The following DUOX2 variants were observed in gnomAD, a reference collection of about 807,000 sequenced individuals.
DUOX2 encodes the protein NADH/NADPH thyroid oxidase p138-tox.
DUOX2 carries 185 observed loss-of-function variants against 183.3 expected under a neutral mutation model. That is an observed-to-expected ratio of 1.01 (90% CI 0.90 to 1.14). The LOEUF is 1.14. DUOX2 is among the 50% of genes most tolerant of loss of function. The pLI, the probability that DUOX2 is intolerant of heterozygous loss-of-function variation, is 0.00. For synonymous variants in DUOX2, 788 were observed against 812.4 expected (o/e 0.97, Z 0.51); for missense variants, 1,999 against 2,022.9 (o/e 0.99, Z 0.23).
In DUOX2 at chr15:45,099,686, C is replaced by T. The variant is rs147540920; in HGVS notation, c.3391G>A (p.Ala1131Thr). The change falls in exon 25 of 34, where the codon GCC becomes ACC. Residue 1131 changes from alanine (A) to threonine (T), a missense_variant. This residue lies in a region of DUOX2 where 1,628 missense variants were observed against 1,608.6 expected (regional missense o/e 1.01). Transcript: ENST00000389039. ...DAAVDFHRWI[A>T]MAAVVLAILH... ...CTGGCCAGGACAACAGCAGCCATGG[C>T]GATCCAGCGGTGGAAGTCCACTGCG... The T allele has an allele frequency of 2.5e-4, 398 of 1,613,964 alleles. No homozygotes were observed. Among genetic ancestry groups the T allele is most frequent in the Non-Finnish European group, 3.2e-4 (374 of 1,180,046 alleles).
At chr15:45,096,857 T>C (rs1893915984) in intron 29 of DUOX2, among the ~76,000 whole-genome samples, 1 of 152,188 alleles carries the variant, frequency 6.6e-6, no homozygotes, top group Non-Finnish European at 1.5e-5. Flanking sequence ...CAACCCAGAC[T>C]GGCAATCTGG....
intron 18 of DUOX2, among the ~76,000 whole-genome samples, chr15:45,105,354 G>A (rs921411144): frequency 1.3e-5 from 2 of 152,178 alleles, no homozygotes; most frequent in African/African-American, 4.8e-5. Flanking sequence ...CAACCTCTGT[G>A]TACCACTCAT....
intron 11 of DUOX2, chr15:45,109,240 A>G (rs776468559): frequency 6.0e-5 from 36 of 600,344 alleles, no homozygotes; most frequent in Non-Finnish European, 1.1e-4. Context: ...GACAGGGCTG[A>G]ATGAAAACCT....
intron 26 of DUOX2, 145 bp from the exon 27 acceptor site, chr15:45,098,203 A>T (rs1331787873): frequency 1.4e-6 from 1 of 735,544 alleles, no homozygotes; most frequent in Non-Finnish European, 2.3e-6. Flanking sequence ...CCTCCAAGGA[A>T]CTTGGCACCC....
Position 45,111,923 on chromosome 15 carries a change from C to T in DUOX2, c.358G>A (p.Glu120Lys), listed in dbSNP as rs765873661. The T allele has an allele frequency of 1.5e-5, 24 of 1,613,590 alleles. No individual in the cohort carries two copies. In the South Asian group the frequency reaches 2.6e-4, roughly 18 times the overall value. ...YHVLSDVVSV[E>K]TPGCPAEFLN... Reference sequence around the variant, plus strand: ...AACTCGGCGGGGCAACCGGGCGTTTCCACGCTCACCACGTCGGAAAGAACA... The same window carrying T: ...AACTCGGCGGGGCAACCGGGCGTTTTCACGCTCACCACGTCGGAAAGAACA... The change falls in exon 5 of 34, where the codon GAA becomes AAA. Residue 120 changes from glutamate to lysine, a missense_variant. Physicochemically the swap from Glu to Lys is moderately conservative, Grantham distance 56. Transcript: ENST00000389039.
intron 28 of DUOX2, 54 bp downstream of exon 28, chr15:45,097,560 C>T: frequency 6.2e-7 from 1 of 1,613,976 alleles, no homozygotes; most frequent in Non-Finnish European, 8.5e-7. Context: ...CTTTCACCTT[C>T]CTGTCCCATC....
intron 16 of DUOX2, 22 bp from the exon 17 acceptor site, chr15:45,106,349 C>G (rs374647525): frequency 6.2e-7 from 1 of 1,613,250 alleles, no homozygotes; most frequent in Non-Finnish European, 8.5e-7. Context: ...ATAATTGGGC[C>G]GGGTAGTTCA....
chr15:45,097,856 C>G, intron 27 of DUOX2, 115 bp from the exon 28 acceptor site: 2 of 1,582,322 alleles, frequency 1.3e-6, no homozygotes, highest in Non-Finnish European at 8.7e-7. Flanking sequence ...TCCGGGGCCC[C>G]CAGAAAAGCC....
At chr15:45,099,106 G>A (rs1034104722) in intron 26 of DUOX2, 1 of 379,730 alleles carries the variant, frequency 2.6e-6, no homozygotes, top group South Asian at 2.2e-5. Context: ...CGCCTCTTGG[G>A]TTCATGCCAT....
In DUOX2 at chr15:45,111,503, G is replaced by C. The variant is rs751456977; in HGVS notation, c.596C>G (p.Ser199Trp). 3.2e-6 allele frequency: 5 copies of C among 1,552,050 alleles called. No homozygotes were observed. Among genetic ancestry groups the C allele is most frequent in the East Asian group, 2.4e-5 (1 of 41,324 alleles). ...GGGCCCCGACGCCAGCTGTCCCCCC[G>C]AGAAGCTCCGCAGCGCGTCGCTCCA... ...HSWSDALRSF[S>W]GGQLASGPDP... is the part of the protein sequence containing the mutation. Residue 199 changes from serine to tryptophan, a missense_variant, in exon 6 of 34, where the codon TCG becomes TGG. Physicochemically the swap from Ser to Trp is radical, Grantham distance 177 (BLOSUM62 -3). This residue lies in a region of DUOX2 where 356 missense variants were observed against 356.4 expected (regional missense o/e 1.00). Transcript: ENST00000389039.
chr15:45,109,308 A>T (rs1894314573), intron 11 of DUOX2: 1 of 609,708 alleles, frequency 1.6e-6, no homozygotes, highest in African/African-American at 1.9e-5. Flanking sequence ...CAATACTCAG[A>T]CATAGTTAAT....
rs147791097 is a variant in DUOX2 at position 45,094,269 on chromosome 15, G to A, written c.4528C>T (p.Arg1510Cys). ...NSLQEVHPQV[R>C]KIGVFSCGPP... ...CCGCAGCTGAACACCCCGATCTTGC[G>A]CACCTGTCAGGAGATTGGAGAGAGA... is the stretch of plus-strand genomic sequence containing the variant. Residue 1510 changes from arginine (R) to cysteine (C), a missense_variant, in exon 34 of 34, where the codon CGC becomes TGC. Coordinates refer to ENST00000389039, the MANE Select transcript of DUOX2 (RefSeq NM_001363711.2). 3.3e-5 allele frequency: 53 copies of A among 1,614,128 alleles called. 1 individual carries two copies. The South Asian group carries it at 4.5e-4, about 14-fold the overall frequency.
rs144254445 is a variant in DUOX2 at position 45,098,043 on chromosome 15, C to A, written c.3531G>T (p.Gln1177His). 5.9e-5 allele frequency: 95 copies of A among 1,614,120 alleles called. No individual in the cohort carries two copies. In the African/African-American group the frequency reaches 1.2e-3, roughly 20 times the overall value. The change falls in exon 27 of 34, where the codon CAG (glutamine) becomes CAT (histidine). Residue 1177 changes from glutamine (Q) to histidine (H), a missense_variant. By Grantham distance (24) the Gln-to-His change is conservative. Transcript: ENST00000389039. The part of the protein sequence containing the change: ...VFVNDGSKLP[Q>H]KFYWWFFQTV... ...TCTGGAAGAACCACCAATAGAACTTCTGGGGAAGCTTGGACCTGGGGGGCA... is the reference window on the plus strand; with the variant it reads ...TCTGGAAGAACCACCAATAGAACTTATGGGGAAGCTTGGACCTGGGGGGCA...
At position 45,100,669 on chromosome 15, in the gene DUOX2, T is replaced by C. The variant is rs1351066475; in HGVS notation, c.3005+86A>G. On this transcript the variant is annotated intron_variant, in intron 23 of 33. Transcript: ENST00000389039. The stretch of plus-strand genomic sequence containing the variant: ...GAATGAGACTCAGGATGGTCGCTTA[T>C]ATGTCAAGGATATGTGGGTGGGGCC... 3.6e-6 allele frequency: 4 copies of C among 1,107,718 alleles called. No homozygotes were observed. The East Asian group carries it at 7.0e-5, about 20-fold the overall frequency. The allele number at this position is 1,107,718 out of a possible 1,614,324, so 68.6% of individuals were successfully genotyped here. A position where few individuals can be genotyped will look rare whatever the true frequency, so the allele number is the denominator to read the frequency against.
intron 27 of DUOX2, 68 bp downstream of exon 27, chr15:45,097,941 T>C (rs1380648845): frequency 5.1e-6 from 8 of 1,557,206 alleles, no homozygotes; most frequent in Non-Finnish European, 7.1e-6. Context: ...GACAAGTGAG[T>C]ATTCACAGAG....
chr15:45,101,689 C>A (rs935181342), intron 21 of DUOX2, 104 bp downstream of exon 21: 2 of 1,483,090 alleles, frequency 1.3e-6, no homozygotes. Context: ...ATACTAGGTA[C>A]CAAGGACTCA....
At chr15:45,102,502 T>C (rs1258717516) in intron 20 of DUOX2, among the ~76,000 whole-genome samples, 1 of 152,196 alleles carries the variant, frequency 6.6e-6, no homozygotes, top group Non-Finnish European at 1.5e-5. Context: ...CAGTGGCACC[T>C]GCAGTAGCCA....
At position 45,101,916 on chromosome 15, in the gene DUOX2, C is replaced by T; in HGVS notation, c.2728G>A (p.Glu910Lys). The T allele has an allele frequency of 6.2e-7, 1 of 1,614,200 alleles. No individual in the cohort carries two copies. The highest frequency in any genetic ancestry group is 1.1e-5 in the South Asian group (1 of 91,076). ...TCCTCCTTGTCCTGGAATCCCGACT[C>T]CCGGAACATAGACTCCACCACCTCG... ...LAEVVESMFRESGFQDKEELT... is the reference protein window; with the variant it reads ...LAEVVESMFRKSGFQDKEELT... The change falls in exon 21 of 34, where the codon GAG (glutamate) becomes AAG (lysine). Residue 910 changes from glutamate to lysine, a missense_variant. Transcript: ENST00000389039.
At chr15:45,096,200 G>A (rs1893896678) in intron 29 of DUOX2, 140 bp from the exon 30 acceptor site, 3 of 733,360 alleles carry the variant, frequency 4.1e-6, no homozygotes, top group Non-Finnish European at 7.3e-6. Flanking sequence ...TCCTGGGGCT[G>A]GGAGTAGGAG....
Sources: gnomAD v4.1 joint callset for allele counts (sites outside exome capture counted in the v4.1 genomes callset) on GRCh38, gnomAD v4.1.1 for gene constraint, gnomAD v4.1.1 regional missense constraint, MANE v1.5 for transcripts, NCBI Gene and HGNC (gene_info 2026-07-23, HGNC 2026-07-21) for gene names.